The following RXRA variants were observed in gnomAD, a reference collection of about 807,000 sequenced individuals.
The protein encoded by RXRA is retinoid X receptor alpha.
RXRA carries 5 observed loss-of-function variants against 44.5 expected under a neutral mutation model. The observed-to-expected ratio is 0.11, with a 90% CI of 0.06 to 0.24. The LOEUF (loss-of-function observed/expected upper bound fraction) is 0.24. Ranked by LOEUF, RXRA falls within the 10% of genes least tolerant of loss-of-function variation. RXRA has a pLI of 1.00. For missense variants in RXRA, 412 were observed against 646.5 expected (o/e 0.64, Z 3.93); for synonymous variants, 291 against 271.4 (o/e 1.07, Z -0.71).
chr9:134,436,463 G>A lies in RXRA; in HGVS notation c.1242-4G>A, dbSNP rs17847928. The A allele has an allele frequency of 3.1e-6, 5 of 1,613,778 alleles. No individual in the cohort carries two copies. In the East Asian group the frequency reaches 1.1e-4, roughly 36 times the overall value. ...CCGGCCCTCACCAGACCTGTTCCCT[G>A]CAGGTTCGCTAAGCTCTTGCTCCGC... On this transcript the variant is annotated splice_polypyrimidine_tract_variant and splice_region_variant and intron_variant, in intron 9 of 9. Coordinates refer to ENST00000481739, the MANE Select transcript of RXRA (RefSeq NM_002957.6).
At chr9:134,378,749 G>C (rs1830596207) in intron 1 of RXRA, among the ~76,000 whole-genome samples, 1 of 152,196 alleles carries the variant, frequency 6.6e-6, no homozygotes, top group Non-Finnish European at 1.5e-5. Flanking sequence ...CCTGGAGTTG[G>C]GGTTTGCCGA....
At position 134,423,690 on chromosome 9, in the gene RXRA, G is replaced by C. The variant is rs142533667; in HGVS notation, c.910+1885G>C. On this transcript the variant is annotated intron_variant, in intron 6 of 9. Transcript: ENST00000481739. ...GAGGCATGTGGCTGTCTGCCGTTGC[G>C]GGCTCAGACTTCTTTCAGGGTATGG... The C allele has an allele frequency of 3.0e-6, 3 of 985,354 alleles. No homozygotes were observed. In the African/African-American group the frequency reaches 5.2e-5, roughly 17 times the overall value. The allele number at this position is 985,354 out of a possible 1,614,324, so 61.0% of individuals were successfully genotyped here. A position where few individuals can be genotyped will look rare whatever the true frequency, so the allele number is the denominator to read the frequency against.
At chr9:134,422,194 C>G in intron 6 of RXRA, 1 of 1,288,618 alleles carries the variant, frequency 7.8e-7, no homozygotes, top group South Asian at 1.2e-5. Context: ...ACACTTCCCC[C>G]TCCAGGGACA....
chr9:134,425,843 G>A (rs575755557), intron 6 of RXRA: 34 of 985,252 alleles, frequency 3.5e-5, no homozygotes, highest in African/African-American at 3.1e-4. Flanking sequence ...TTGTGAGTGT[G>A]GACTCATTTA....
chr9:134,339,033 G>A lies in RXRA; in HGVS notation c.28+12374G>A, dbSNP rs180856729. 9.0e-3 allele frequency among the ~76,000 whole-genome samples: 1,373 copies of A among 152,372 alleles called. 8 individuals are homozygous for A. Among genetic ancestry groups the A allele is most frequent in the Non-Finnish European group, 0.015 (1,015 of 68,032 alleles). The stretch of plus-strand genomic sequence containing the variant: ...GGCGCTGGCAGTGCCCACACCGGCA[G>A]GGACCTGGGGACTTGGAGCCGGACC... On this transcript the variant is annotated intron_variant, in intron 1 of 9. Transcript: ENST00000481739.
chr9:134,333,915 G>T (rs994168849), intron 1 of RXRA, among the ~76,000 whole-genome samples: 1 of 152,218 alleles, frequency 6.6e-6, no homozygotes, highest in African/African-American at 2.4e-5. Flanking sequence ...ACCTGTGCAG[G>T]CTCAGCCTTC....
chr9:134,426,147 G>A lies in RXRA; in HGVS notation c.911-2961G>A. 2 of 985,392 alleles carry A rather than the reference G, an allele frequency of 2.0e-6. No individual in the cohort carries two copies. Among genetic ancestry groups the A allele is most frequent in the East Asian group, 1.1e-4 (1 of 8,804 alleles). 61.0% of individuals were successfully genotyped at this position (985,392 alleles called of 1,614,324 possible). A position where few individuals can be genotyped will look rare whatever the true frequency, so the allele number is the denominator to read the frequency against. ...ATAGTGACCAAGGGAGCAGCCCCAG[G>A]CAAGACTCTTTGTCCTGCGCTTGGA... On this transcript the variant is annotated intron_variant, in intron 6 of 9. Transcript: ENST00000481739. This position sits in a 1 kb window ranked among gnomAD's most constrained non-coding sequence, Gnocchi z 4.6.
At chr9:134,418,030 G>A (rs1003649797) in intron 5 of RXRA, among the ~76,000 whole-genome samples, 8 of 152,166 alleles carry the variant, frequency 5.3e-5, no homozygotes, top group Non-Finnish European at 7.4e-5. Flanking sequence ...GACCCTCCCT[G>A]TTACTGGCTC....
Position 134,438,901 on chromosome 9 carries a change from A to T in RXRA, c.*2287A>T, listed in dbSNP as rs925995045. On this transcript the variant is annotated 3_prime_UTR_variant, in exon 10 of 10. Coordinates refer to ENST00000481739, the MANE Select transcript of RXRA (RefSeq NM_002957.6). ...GAAGCCCCCCGGCCGCCAACCCCTG[A>T]AAGCAGAACCTGGCCTCCCTGGCCA... The T allele has an allele frequency of 1.3e-5, 2 of 152,212 alleles. No individual in the cohort carries two copies. The highest frequency in any genetic ancestry group is 4.8e-5 in the African/African-American group (2 of 41,424). The allele number at this position is 152,212 out of a possible 1,614,324, so 9.4% of individuals were successfully genotyped here. A position where few individuals can be genotyped will look rare whatever the true frequency, so the allele number is the denominator to read the frequency against.
At position 134,351,931 on chromosome 9, in the gene RXRA, G is replaced by A. The variant is rs547169736; in HGVS notation, c.28+25272G>A. Among the ~76,000 whole-genome samples, 11 of 152,232 alleles carry A rather than the reference G, an allele frequency of 7.2e-5. No individual in the cohort carries two copies. In the South Asian group the frequency reaches 1.0e-3, roughly 14 times the overall value. On this transcript the variant is annotated intron_variant, in intron 1 of 9. Coordinates refer to ENST00000481739, the MANE Select transcript of RXRA (RefSeq NM_002957.6). ...GATGGGTGCTCTGTTCTGTGTGCAC[G>A]TGTGCGTGCATGTGGCATATGTGTG... is the stretch of plus-strand genomic sequence containing the variant.
Position 134,434,200 on chromosome 9 carries a change from C to G in RXRA, c.1234C>G (p.Pro412Ala). The G allele has an allele frequency of 6.2e-7, 1 of 1,612,550 alleles. No homozygotes were observed. Among genetic ancestry groups the G allele is most frequent in the East Asian group, 2.2e-5 (1 of 44,868 alleles). ...AYCKHKYPEQ[P>A]GRFAKLLLRL... The stretch of plus-strand genomic sequence containing the variant: ...CTGCAAGCACAAGTACCCAGAGCAG[C>G]CGGGAAGGTGGGTCCCGCCCCGTCC... The change falls in exon 9 of 10, where the codon CCG becomes GCG. Residue 412 changes from proline (P) to alanine (A), a missense_variant. Around this residue, in one of 4 missense-constraint regions of RXRA, gnomAD observed 141 missense variants for 270.8 expected, o/e 0.52. Coordinates refer to ENST00000481739, the MANE Select transcript of RXRA (RefSeq NM_002957.6).
At chr9:134,375,504 C>T (rs1329532955) in intron 1 of RXRA, among the ~76,000 whole-genome samples, 1 of 152,154 alleles carries the variant, frequency 6.6e-6, no homozygotes, top group Non-Finnish European at 1.5e-5. Context: ...AGGTCCTGGC[C>T]CGGAATAAAC....
intron 1 of RXRA, among the ~76,000 whole-genome samples, chr9:134,327,342 G>A (rs1347307869): frequency 1.3e-5 from 2 of 152,142 alleles, no homozygotes; most frequent in African/African-American, 4.8e-5. Flanking sequence ...AGGCGCGTAG[G>A]GTCAGTTTCC....
intron 1 of RXRA, among the ~76,000 whole-genome samples, chr9:134,362,613 C>G (rs951673464): frequency 6.6e-5 from 10 of 152,244 alleles, no homozygotes; most frequent in Non-Finnish European, 7.3e-5. Flanking sequence ...GCAGAGCCTA[C>G]TCCTGGGAGC....
chr9:134,400,859 G>A (rs1830947977), intron 1 of RXRA, among the ~76,000 whole-genome samples: 1 of 152,196 alleles, frequency 6.6e-6, no homozygotes, highest in African/African-American at 2.4e-5. Flanking sequence ...GCCCACGTGA[G>A]AGGTGCCCCA....
At chr9:134,421,267 G>T (rs1201108197) in intron 5 of RXRA, among the ~76,000 whole-genome samples, 1 of 152,232 alleles carries the variant, frequency 6.6e-6, no homozygotes, top group Non-Finnish European at 1.5e-5. Flanking sequence ...CTCTGCTGGG[G>T]AGTCTGCCCT....
intron 6 of RXRA, chr9:134,422,957 G>A (rs867160978): frequency 1.0e-6 from 1 of 985,488 alleles, no homozygotes; most frequent in African/African-American, 1.7e-5. Context: ...GTGGTGCACA[G>A]AGCCACTGCA....
chr9:134,357,625 G>A (rs1830298890), intron 1 of RXRA, among the ~76,000 whole-genome samples: 1 of 152,070 alleles, frequency 6.6e-6, no homozygotes, highest in South Asian at 2.1e-4. Flanking sequence ...GGGTTCGGCT[G>A]TGGTTTGTGC....
chr9:134,345,171 G>T (rs564924000), intron 1 of RXRA, among the ~76,000 whole-genome samples: 3 of 152,194 alleles, frequency 2.0e-5, no homozygotes, highest in South Asian at 4.1e-4. Context: ...GAAAGTGGAC[G>T]TGCCCTGGAG....
Sources: gnomAD v4.1 joint callset for allele counts (sites outside exome capture counted in the v4.1 genomes callset) on GRCh38, gnomAD v4.1.1 for gene constraint, gnomAD v4.1.1 regional missense constraint, Gnocchi (gnomAD v3.1) non-coding constraint, MANE v1.5 for transcripts, NCBI Gene and HGNC (gene_info 2026-07-23, HGNC 2026-07-21) for gene names.